Variants in TCF12 observed in about 807,000 individuals in gnomAD.
TCF12 encodes the protein transcription factor 12.
In TCF12, 45 loss-of-function variants were observed where a neutral mutation model predicts 86.0. The ratio of observed to expected loss-of-function variants is 0.52; its 90% CI spans 0.41 to 0.67. TCF12 has a LOEUF of 0.67. TCF12 is among the 30% of genes least tolerant of loss of function. The pLI, the probability that TCF12 is intolerant of heterozygous loss-of-function variation, is 0.00. For synonymous variants in TCF12, 330 were observed against 299.6 expected (o/e 1.10, Z -1.05); for missense variants, 881 against 859.9 (o/e 1.02, Z -0.31).
chr15:57,067,616 A>T (rs2069010592), intron 4 of TCF12, among the ~76,000 whole-genome samples: 1 of 150,364 alleles, frequency 6.7e-6, no homozygotes, highest in African/African-American at 2.4e-5. Context: ...GGCAATGTGG[A>T]TTTCACATTT....
intron 16 of TCF12, among the ~76,000 whole-genome samples, 169 bp downstream of exon 16, chr15:57,253,637 A>G (rs1410186223): frequency 1.3e-5 from 2 of 152,200 alleles, no homozygotes; most frequent in Non-Finnish European, 2.9e-5. Context: ...ATTAGTCCAT[A>G]AAATCTTCTT....
intron 12 of TCF12, among the ~76,000 whole-genome samples, chr15:57,240,024 G>C (rs2059547102): frequency 6.6e-6 from 1 of 152,194 alleles, no homozygotes; most frequent in Non-Finnish European, 1.5e-5. Context: ...AAAGAATACT[G>C]AGACTAGAAC....
In TCF12 at chr15:57,287,899, T is replaced by C. The variant is rs1451599737; in HGVS notation, c.*1754T>C. On this transcript the variant is annotated 3_prime_UTR_variant, in exon 21 of 21. Transcript: ENST00000333725. Reference sequence around the variant, plus strand: ...GTGTTAATCAGCTAAACAGAAGTTGTTGCTTATGATGTGTGAGTGAACATA... The same window carrying C: ...GTGTTAATCAGCTAAACAGAAGTTGCTGCTTATGATGTGTGAGTGAACATA... 2.0e-5 allele frequency: 3 copies of C among 152,690 alleles called. No homozygotes were observed. The highest frequency in any genetic ancestry group is 2.0e-4 in the Admixed American group (3 of 15,288). 9.5% of individuals were successfully genotyped at this position (152,690 alleles called of 1,614,324 possible). A position where few individuals can be genotyped will look rare whatever the true frequency, so the allele number is the denominator to read the frequency against.
chr15:57,064,381 AC>A (rs1200810473), intron 4 of TCF12, among the ~76,000 whole-genome samples: 10 of 152,190 alleles, frequency 6.6e-5, no homozygotes, highest in African/African-American at 1.9e-4. Flanking sequence ...AAAAACAAAA[AC>A]AAAAAACCCC....
intron 3 of TCF12, among the ~76,000 whole-genome samples, chr15:57,049,775 G>A (rs2067487277): frequency 6.6e-6 from 1 of 152,132 alleles, no homozygotes; most frequent in Middle Eastern, 3.2e-3. Flanking sequence ...AAAATTGCTT[G>A]TTTCCCAGAC....
At chr15:57,074,108 A>G (rs1274437696) in intron 4 of TCF12, among the ~76,000 whole-genome samples, 1 of 152,086 alleles carries the variant, frequency 6.6e-6, no homozygotes, top group African/African-American at 2.4e-5. Flanking sequence ...AGTAATTCGT[A>G]TTTTATGTAT....
rs374179677 is a variant in TCF12, at chr15:57,158,184, G to GTTTTTTT, written c.326-8215_326-8214insTTTTTTT. Among the ~76,000 whole-genome samples, 42 of 134,080 alleles carry GTTTTTTT rather than the reference G, an allele frequency of 3.1e-4. 8 individuals carry two copies. The highest frequency in any genetic ancestry group is 2.6e-4 in the Non-Finnish European group (16 of 62,332). The allele number at this position is 134,080 out of a possible 152,430, so 88.0% of individuals were successfully genotyped here. On this transcript the variant is annotated intron_variant, in intron 5 of 20. Transcript: ENST00000333725. The stretch of plus-strand genomic sequence containing the variant: ...ACAGATGTTAAAGTCTCAGAAAGTC[G>GTTTTTTT]TTTCTTTTTTTTTTTTTTCTTTGAG...
chr15:57,241,369 G>C (rs1297654170), intron 12 of TCF12, among the ~76,000 whole-genome samples: 1 of 151,930 alleles, frequency 6.6e-6, no homozygotes, highest in Non-Finnish European at 1.5e-5. Flanking sequence ...TGGGATTATA[G>C]GCGTGAGCTA....
chr15:57,051,201 C>T (rs189067526), intron 3 of TCF12, among the ~76,000 whole-genome samples: 1 of 152,254 alleles, frequency 6.6e-6, no homozygotes, highest in Admixed American at 6.5e-5. Flanking sequence ...GTAGAAAGCC[C>T]AAATTATTTA....
intron 5 of TCF12, among the ~76,000 whole-genome samples, chr15:57,131,570 C>T (rs1460512380): frequency 6.6e-6 from 1 of 152,176 alleles, no homozygotes; most frequent in Non-Finnish European, 1.5e-5. Flanking sequence ...AGCAATCACT[C>T]ATCATCAATT....
At chr15:57,062,692 T>G (rs1177524876) in intron 3 of TCF12, among the ~76,000 whole-genome samples, 2 of 152,194 alleles carry the variant, frequency 1.3e-5, no homozygotes, top group Non-Finnish European at 2.9e-5. Context: ...ACATACCACA[T>G]TCTCACCTAA....
At chr15:57,010,168 A>T (rs553804066) in intron 3 of TCF12, among the ~76,000 whole-genome samples, 110 of 151,872 alleles carry the variant, frequency 7.2e-4, no homozygotes, top group Admixed American at 9.2e-4. Flanking sequence ...CCTTTTTTTT[A>T]AAAAAACTCC....
intron 6 of TCF12, among the ~76,000 whole-genome samples, chr15:57,191,767 G>A (rs188709477): frequency 2.3e-4 from 35 of 152,012 alleles, no homozygotes; most frequent in African/African-American, 7.5e-4. Context: ...GTGAAACCCC[G>A]TCTCTACTAA....
At chr15:56,974,170 A>C (rs1383085869) in intron 3 of TCF12, among the ~76,000 whole-genome samples, 4 of 152,070 alleles carry the variant, frequency 2.6e-5, no homozygotes, top group African/African-American at 9.6e-5. Flanking sequence ...CCTGATTTTG[A>C]AAATTGTATT....
chr15:57,116,851 A>G (rs1328458224), intron 5 of TCF12, among the ~76,000 whole-genome samples: 1 of 152,084 alleles, frequency 6.6e-6, no homozygotes, highest in Admixed American at 6.5e-5. Context: ...GGTTAATTGC[A>G]GTAGGGTAGC....
chr15:57,091,045 A>G (rs1377144184), intron 4 of TCF12, among the ~76,000 whole-genome samples: 1 of 152,240 alleles, frequency 6.6e-6, no homozygotes, highest in Non-Finnish European at 1.5e-5. Context: ...AATAACAGCT[A>G]CTGTGAAAAG....
intron 8 of TCF12, among the ~76,000 whole-genome samples, chr15:57,207,305 A>G (rs1339547275): frequency 6.6e-6 from 1 of 152,158 alleles, no homozygotes; most frequent in East Asian, 1.9e-4. Context: ...GTTAATCCCT[A>G]TGAATCTAAG....
intron 20 of TCF12, among the ~76,000 whole-genome samples, 156 bp downstream of exon 20, chr15:57,282,754 T>A (rs1163282283): frequency 1.3e-5 from 2 of 152,276 alleles, no homozygotes; most frequent in African/African-American, 4.8e-5. Flanking sequence ...TGTTACATTA[T>A]CAGACTTAGA....
In TCF12 at chr15:57,288,542, T is replaced by G. The variant is rs544849820; in HGVS notation, c.*2397T>G. ...AATAGTGAGTTTTTTACATTTCTCTTTCTCAAATAATAATGTATTTTGTTT... is the reference window on the plus strand; with the variant it reads ...AATAGTGAGTTTTTTACATTTCTCTGTCTCAAATAATAATGTATTTTGTTT... On this transcript the variant is annotated 3_prime_UTR_variant, in exon 21 of 21. Coordinates refer to ENST00000333725, the MANE Select transcript of TCF12 (RefSeq NM_207037.2). 1 of 152,746 alleles carries G rather than the reference T, an allele frequency of 6.5e-6. No individual in the cohort carries two copies. The highest frequency in any genetic ancestry group is 2.4e-5 in the African/African-American group (1 of 41,576). 9.5% of individuals were successfully genotyped at this position (152,746 alleles called of 1,614,324 possible).
Sources: allele counts gnomAD v4.1 joint callset (sites outside exome capture counted in the v4.1 genomes callset), GRCh38; gene constraint gnomAD v4.1.1; transcripts MANE v1.5; gene names NCBI Gene and HGNC (gene_info 2026-07-23, HGNC 2026-07-21).